Variants in B4GALNT4 observed in about 807,000 individuals in gnomAD.
B4GALNT4 encodes the protein beta-1,4-N-acetyl-galactosaminyltransferase 4, also known as N-acetyl-beta-glucosaminyl-glycoprotein 4-beta-N-acetylgalactosaminyltransferase 1.
In B4GALNT4, 77 loss-of-function variants were observed where a neutral mutation model predicts 110.0. The ratio of observed to expected loss-of-function variants is 0.70; its 90% CI spans 0.58 to 0.85. B4GALNT4 has a LOEUF of 0.85. Ranked by LOEUF, B4GALNT4 falls within the 40% of genes least tolerant of loss-of-function variation. The pLI, the probability that B4GALNT4 is intolerant of heterozygous loss-of-function variation, is 0.00. For synonymous variants in B4GALNT4, 785 were observed against 655.5 expected (o/e 1.20, Z -3.02); for missense variants, 1,575 against 1,506.0 (o/e 1.05, Z -0.76).
Position 381,826 on chromosome 11 carries a change from C to A in B4GALNT4, c.*34C>A. ...AGCCCCTCCCAGCCCCGGTGGGAGT[C>A]CCGAGGCAGCTGCTGGGGGCTGGGC... On this transcript the variant is annotated 3_prime_UTR_variant, in exon 20 of 20. Transcript: ENST00000329962. The A allele has an allele frequency of 6.5e-7, 1 of 1,542,194 alleles. No homozygotes were observed.
At chr11:374,006 G>C (rs912624300) in intron 8 of B4GALNT4, among the ~76,000 whole-genome samples, 178 bp downstream of exon 8, 1 of 152,168 alleles carries the variant, frequency 6.6e-6, no homozygotes, top group African/African-American at 2.4e-5. Context: ...TTCACTAGGA[G>C]TCACCTTTGA....
intron 19 of B4GALNT4, chr11:381,155 C>G: frequency 1.0e-6 from 1 of 984,970 alleles, no homozygotes; most frequent in Non-Finnish European, 1.2e-6. Context: ...CAGGGTCCTG[C>G]AAGGTCAGGG....
chr11:377,561 C>T (rs928029883), intron 14 of B4GALNT4, among the ~76,000 whole-genome samples: 13 of 152,198 alleles, frequency 8.5e-5, no homozygotes, highest in African/African-American at 2.7e-4. Context: ...TGGAGCCCCA[C>T]CCAGGGCTGG....
At chr11:381,200 G>A in intron 19 of B4GALNT4, 1 of 935,172 alleles carries the variant, frequency 1.1e-6, no homozygotes, top group South Asian at 4.9e-5. Context: ...CGATCCCATA[G>A]GCCCTGGGTG....
Position 377,275 on chromosome 11 carries a change from G to A in B4GALNT4, c.2152G>A (p.Ala718Thr). 2 of 1,592,840 alleles carry A rather than the reference G, an allele frequency of 1.3e-6. No individual in the cohort carries two copies. The highest frequency in any genetic ancestry group is 8.5e-7 in the Non-Finnish European group (1 of 1,171,204). Reference protein sequence around the residue: ...SGNLQLPEAEAVDVTAQYMER... With the variant: ...SGNLQLPEAETVDVTAQYMER... The stretch of plus-strand genomic sequence containing the variant: ...GAACCTGCAGCTGCCGGAGGCGGAG[G>A]CCGTGGACGTGACCGCTCAGTACAT... The change falls in exon 14 of 20, where the codon GCC becomes ACC. Residue 718 changes from alanine (A) to threonine (T), a missense_variant. By Grantham distance (58) the Ala-to-Thr change is moderately conservative. Transcript: ENST00000329962.
chr11:375,320 C>G lies in B4GALNT4; in HGVS notation c.784-141C>G, dbSNP rs111437836. The G allele has an allele frequency of 1.4e-3, 1,244 of 880,762 alleles. 10 individuals carry two copies. The African/African-American group carries it at 0.018, about 13-fold the overall frequency. The allele number at this position is 880,762 out of a possible 1,614,324, so 54.6% of individuals were successfully genotyped here. On this transcript the variant is annotated intron_variant, in intron 8 of 19. Transcript: ENST00000329962. ...CCTGCTGCCCCTTCTTGGAACGCCC[C>G]GGACCCCTCTGCCATCTCCTCTCCT... is the stretch of plus-strand genomic sequence containing the variant.
rs774837824 is a variant in B4GALNT4, at chr11:380,438, C to A, written c.2862C>A (p.Asp954Glu). The change falls in exon 18 of 20, where the codon GAC becomes GAA. Residue 954 changes from aspartate to glutamate, a missense_variant. Coordinates refer to ENST00000329962, the MANE Select transcript of B4GALNT4 (RefSeq NM_178537.5). Reference protein sequence around the residue: ...MRLSCGSSPRDPHGYWEVNGF... With the variant: ...MRLSCGSSPREPHGYWEVNGF... ...TGAGCTGCGGGAGCTCGCCCCGGGA[C>A]CCCCACGGTGAGGCCCCGAGCGTCC... The A allele has an allele frequency of 6.3e-7, 1 of 1,599,388 alleles. No individual in the cohort carries two copies. The highest frequency in any genetic ancestry group is 1.1e-5 in the South Asian group (1 of 89,764).
intron 14 of B4GALNT4, among the ~76,000 whole-genome samples, chr11:378,879 C>A (rs895164093): frequency 7.9e-5 from 12 of 151,982 alleles, no homozygotes; most frequent in Non-Finnish European, 1.6e-4. Context: ...TGACCCAGGG[C>A]CTGGAAGAGG....
chr11:381,197 A>C lies in B4GALNT4; in HGVS notation c.2996+246A>C, dbSNP rs1049929248. ...CTGAACCAGCTCTGCCCCCGATCCC[A>C]TAGGCCCTGGGTGGCCCTGAGTCCC... On this transcript the variant is annotated intron_variant, in intron 19 of 19. Coordinates refer to ENST00000329962, the MANE Select transcript of B4GALNT4 (RefSeq NM_178537.5). The C allele has an allele frequency of 6.4e-5, 61 of 960,492 alleles. No individual in the cohort carries two copies. In the Middle Eastern group the frequency reaches 2.1e-3, roughly 34 times the overall value. 59.5% of individuals were successfully genotyped at this position (960,492 alleles called of 1,614,324 possible).
At position 380,384 on chromosome 11, in the gene B4GALNT4, G is replaced by A. The variant is rs1460434578; in HGVS notation, c.2808G>A (p.Arg936=). The A allele has an allele frequency of 3.1e-6, 5 of 1,612,932 alleles. No individual in the cohort carries two copies. The South Asian group carries it at 5.5e-5, about 18-fold the overall frequency. Residue 936 remains arginine (R), a synonymous_variant, in exon 18 of 20, where the codon AGG becomes AGA. Coordinates refer to ENST00000329962, the MANE Select transcript of B4GALNT4 (RefSeq NM_178537.5). ...DGIRKHCVEG[R]LAFAPVVMRL... is the part of the protein sequence containing the mutation. ...TCCGCAAGCACTGCGTGGAGGGCAG[G>A]CTGGCCTTCGCGCCCGTGGTCATGC...
chr11:374,674 G>A (rs1376042517), intron 8 of B4GALNT4, among the ~76,000 whole-genome samples: 1 of 15,550 alleles, frequency 6.4e-5, no homozygotes, highest in East Asian at 9.8e-4. Context: ...GAGGCGGGGC[G>A]GGGGGGCCTC....
intron 6 of B4GALNT4, 57 bp downstream of exon 6, chr11:373,348 G>A: frequency 6.3e-7 from 1 of 1,578,432 alleles, no homozygotes; most frequent in Non-Finnish European, 8.7e-7. Flanking sequence ...AGTCACCTGT[G>A]CCCACCAGCC....
rs751468671 is a variant in B4GALNT4, at chr11:379,847, C to A, written c.2489-19C>A. On this transcript the variant is annotated intron_variant, in intron 15 of 19. Transcript: ENST00000329962. ...GAGTCAGCGTCGGCTCAGCGCCCCC[C>A]CCGCCTTTTCTCCTCCAGTGAAAAA... The A allele has an allele frequency of 6.3e-6, 10 of 1,578,228 alleles. No individual in the cohort carries two copies. The highest frequency in any genetic ancestry group is 1.8e-5 in the Admixed American group (1 of 57,002).
Position 380,142 on chromosome 11 carries a change from G to GTACC in B4GALNT4, c.2655_2656insTACC (p.Arg886TyrfsTer91). 6.2e-7 allele frequency: 1 copy of GTACC among 1,603,940 alleles called. No individual in the cohort carries two copies. The highest frequency in any genetic ancestry group is 8.5e-7 in the Non-Finnish European group (1 of 1,173,182). ...TCGCCCTCCCCAGGTACCAGTACCT[G>GTACC]AGACGAACCGGGAACTTCGAGCGCT... On this transcript the variant is annotated frameshift_variant, in exon 17 of 20. Transcript: ENST00000329962. LOFTEE classifies it high-confidence loss of function.
rs1003736456 is a variant in B4GALNT4 at position 380,489 on chromosome 11, C to G, written c.2869+44C>G. On this transcript the variant is annotated intron_variant, in intron 18 of 19. Coordinates refer to ENST00000329962, the MANE Select transcript of B4GALNT4 (RefSeq NM_178537.5). ...CACCCTGTGATACCAGGGTTCCCAC[C>G]AACCGCCGCGGTAAAGTCCAGGAAC... is the stretch of plus-strand genomic sequence containing the variant. The G allele has an allele frequency of 9.7e-6, 15 of 1,543,170 alleles. No individual in the cohort carries two copies. In the African/African-American group the frequency reaches 1.9e-4, roughly 20 times the overall value.
rs924029346 is a variant in B4GALNT4, at chr11:382,005, G to A, written c.*213G>A. ...GGCCTGGCCTTGGTCCCCACTCTGC[G>A]ATGATTTCTGTGAAATTTTGCTGTA... On this transcript the variant is annotated 3_prime_UTR_variant, in exon 20 of 20. Transcript: ENST00000329962. 4 of 458,348 alleles carry A rather than the reference G, an allele frequency of 8.7e-6. No homozygotes were observed. Among genetic ancestry groups the A allele is most frequent in the Admixed American group, 4.5e-5 (1 of 22,428 alleles). The allele number at this position is 458,348 out of a possible 1,614,324, so 28.4% of individuals were successfully genotyped here.
At position 375,912 on chromosome 11, in the gene B4GALNT4, G is replaced by C; in HGVS notation, c.1051G>C (p.Val351Leu). The change falls in exon 11 of 20, where the codon GTG becomes CTG. Residue 351 changes from valine (V) to leucine (L), a missense_variant. Transcript: ENST00000329962. ...LEPCAYAPTY[V>L]VKDFPIARYQ... is the part of the protein sequence containing the mutation. ...GCCCTGCGCCTACGCCCCCACCTAC[G>C]TGGTCAAGGACTTCCCGATCGCCAG... is the stretch of plus-strand genomic sequence containing the variant. 2 of 1,612,010 alleles carry C rather than the reference G, an allele frequency of 1.2e-6. No individual in the cohort carries two copies. Among genetic ancestry groups the C allele is most frequent in the South Asian group, 2.2e-5 (2 of 91,026 alleles).
At position 371,589 on chromosome 11, in the gene B4GALNT4, G is replaced by A. The variant is rs181593126; in HGVS notation, c.152-520G>A. ...GCCATGCCTGGGCGTCAGCATCCAT[G>A]CCTGTTCCTCAGTCCAGACTTTGAG... On this transcript the variant is annotated intron_variant, in intron 1 of 19. Coordinates refer to ENST00000329962, the MANE Select transcript of B4GALNT4 (RefSeq NM_178537.5). 4.7e-4 allele frequency among the ~76,000 whole-genome samples: 71 copies of A among 152,378 alleles called. 1 individual carries two copies. The highest frequency in any genetic ancestry group is 1.6e-3 in the African/African-American group (68 of 41,594).
intron 1 of B4GALNT4, among the ~76,000 whole-genome samples, chr11:370,845 A>G (rs1028016040): frequency 6.6e-6 from 1 of 151,982 alleles, no homozygotes; most frequent in Non-Finnish European, 1.5e-5. Flanking sequence ...GGGCCACTCC[A>G]CCTGCCAAAG....
Sources: allele counts gnomAD v4.1 joint callset (sites outside exome capture counted in the v4.1 genomes callset), GRCh38; gene constraint gnomAD v4.1.1; transcripts MANE v1.5; gene names NCBI Gene and HGNC (gene_info 2026-07-23, HGNC 2026-07-21).